ROBO2: variants seen among roughly 807,000 people sequenced by gnomAD.
ROBO2 encodes roundabout guidance receptor 2, also known as roundabout homolog 2.
Under a neutral mutation model 160.8 loss-of-function variants are expected in ROBO2, and 53 were observed. The ratio of observed to expected loss-of-function variants is 0.33; its 90% CI spans 0.26 to 0.41. The LOEUF (loss-of-function observed/expected upper bound fraction) is 0.41. Among genes scored for constraint, ROBO2 ranks in the 10% least tolerant of loss-of-function variants. ROBO2 has a pLI of 1.00. For missense variants in ROBO2, 1,577 were observed against 1,722.4 expected (o/e 0.92, Z 1.49); for synonymous variants, 664 against 611.7 (o/e 1.09, Z -1.26).
intron 2 of ROBO2, among the ~76,000 whole-genome samples, chr3:76,998,052 G>A (rs1473839845): frequency 1.3e-5 from 2 of 152,064 alleles, no homozygotes; most frequent in Admixed American, 6.6e-5. Context: ...GTATTCTATT[G>A]GCCAAAGCAA....
intron 2 of ROBO2, among the ~76,000 whole-genome samples, chr3:77,009,430 C>A (rs2061749560): frequency 6.6e-6 from 1 of 151,940 alleles, no homozygotes; most frequent in South Asian, 2.1e-4. Flanking sequence ...AACTCTAATC[C>A]AATATTGTTT....
At chr3:77,433,486 G>GTATATATATATATATATA (rs57475227) in intron 2 of ROBO2, among the ~76,000 whole-genome samples, 94 of 99,382 alleles carry the variant, frequency 9.5e-4, no homozygotes, top group African/African-American at 2.7e-3. Flanking sequence ...CTGGCAACTT[G>GTATATATATATATATATA]TATATATATA....
At chr3:77,599,607 C>T (rs908942453) in intron 19 of ROBO2, among the ~76,000 whole-genome samples, 1 of 151,680 alleles carries the variant, frequency 6.6e-6, no homozygotes, top group African/African-American at 2.4e-5. Context: ...TGTAACTAAC[C>T]TGCACGTTGT....
At chr3:77,082,183 C>T (rs556467136) in intron 1 of ROBO2, among the ~76,000 whole-genome samples, 3 of 152,172 alleles carry the variant, frequency 2.0e-5, no homozygotes, top group Non-Finnish European at 4.4e-5. Context: ...AGAGCAGAAT[C>T]ACTTCTTGTA....
chr3:77,453,145 T>C (rs2081289510), intron 2 of ROBO2, among the ~76,000 whole-genome samples: 1 of 152,192 alleles, frequency 6.6e-6, no homozygotes, highest in Non-Finnish European at 1.5e-5. Flanking sequence ...ACCATTTTAC[T>C]GCCTTCTCTA....
At chr3:77,073,122 T>C (rs945283589) in intron 1 of ROBO2, among the ~76,000 whole-genome samples, 11 of 152,184 alleles carry the variant, frequency 7.2e-5, no homozygotes, top group African/African-American at 2.7e-4. Flanking sequence ...CTTTAAAAAT[T>C]ACAGCAGACA....
At chr3:77,622,417 G>C in exon 23 of ROBO2, 6 of 1,614,062 alleles carry the variant, frequency 3.7e-6, no homozygotes, top group Non-Finnish European at 5.1e-6. Flanking sequence ...GGACAATCTA[G>C]ACAGCTCTGT....
chr3:77,095,587 G>T (rs1390919084), intron 1 of ROBO2, among the ~76,000 whole-genome samples: 2 of 152,006 alleles, frequency 1.3e-5, no homozygotes, highest in Non-Finnish European at 2.9e-5. Flanking sequence ...GAGAACAAAG[G>T]GGCTATCTAA....
chr3:75,933,103 A>G (rs552089849), intron 1 of ROBO2, among the ~76,000 whole-genome samples: 50 of 152,320 alleles, frequency 3.3e-4, no homozygotes, highest in Non-Finnish European at 6.3e-4. Context: ...AGTGGCACCT[A>G]GTCTAAGGAC....
At chr3:76,256,332 T>A (rs1378026558) in intron 2 of ROBO2, among the ~76,000 whole-genome samples, 19 of 94,892 alleles carry the variant, frequency 2.0e-4, no homozygotes, top group Admixed American at 5.5e-4. Flanking sequence ...TCTCTCTCTC[T>A]CTCTCTCTCT....
chr3:76,654,841 T>A (rs2324621), intron 2 of ROBO2, among the ~76,000 whole-genome samples: 331 of 63,434 alleles, frequency 5.2e-3, no homozygotes, highest in African/African-American at 7.9e-3. Context: ...ATTATAATTT[T>A]TTTATATATA....
chr3:77,199,208 G>C (rs978953518), intron 2 of ROBO2, among the ~76,000 whole-genome samples: 2 of 152,158 alleles, frequency 1.3e-5, no homozygotes, highest in African/African-American at 4.8e-5. Flanking sequence ...CTTTGAGGCA[G>C]TACCCACTCC....
chr3:76,686,114 C>A (rs2092680241), intron 2 of ROBO2, among the ~76,000 whole-genome samples: 1 of 152,066 alleles, frequency 6.6e-6, no homozygotes, highest in Non-Finnish European at 1.5e-5. Flanking sequence ...TCCCTTTGAT[C>A]TTCAGTTTAG....
At chr3:76,336,993 A>G (rs1420555356) in intron 2 of ROBO2, among the ~76,000 whole-genome samples, 1 of 152,130 alleles carries the variant, frequency 6.6e-6, no homozygotes, top group Admixed American at 6.6e-5. Context: ...AAAAAAACCC[A>G]CAATCTCTAT....
At chr3:76,406,613 C>T (rs547061137) in intron 2 of ROBO2, among the ~76,000 whole-genome samples, 36 of 151,882 alleles carry the variant, frequency 2.4e-4, no homozygotes, top group Non-Finnish European at 4.6e-4. Context: ...AAACATGATT[C>T]ACTCATAGTC....
chr3:77,102,659 A>G (rs1009723071), intron 2 of ROBO2, among the ~76,000 whole-genome samples: 2 of 152,098 alleles, frequency 1.3e-5, no homozygotes, highest in Non-Finnish European at 2.9e-5. Flanking sequence ...GTTATTGATA[A>G]CCATCTGTCT....
intron 2 of ROBO2, among the ~76,000 whole-genome samples, chr3:76,410,790 G>A (rs2075446959): frequency 6.6e-6 from 1 of 152,082 alleles, no homozygotes; most frequent in Non-Finnish European, 1.5e-5. Flanking sequence ...TTGTTGAAAG[G>A]CTATAGCAAT....
intron 2 of ROBO2, among the ~76,000 whole-genome samples, chr3:76,765,584 C>A (rs2061534597): frequency 6.6e-6 from 1 of 151,650 alleles, no homozygotes; most frequent in Non-Finnish European, 1.5e-5. Context: ...GGCACACTCA[C>A]TGTGGAGGGA....
rs574318905 is a variant in ROBO2, at chr3:76,368,795, A to G, written c.109+431193A>G. Among the ~76,000 whole-genome samples the G allele has an allele frequency of 2.0e-5, 3 of 152,094 alleles. 1 individual carries two copies. Among genetic ancestry groups the G allele is most frequent in the African/African-American group, 7.2e-5 (3 of 41,534 alleles). ...TCCCTTGAATCAGAGCCCACTCAGA[A>G]TCTGAATGTATAGCAGGAATTCCAA... On this transcript the variant is annotated intron_variant, in intron 2 of 26. Coordinates refer to the ROBO2 transcript ENST00000487694.
Sources: allele counts gnomAD v4.1 joint callset (sites outside exome capture counted in the v4.1 genomes callset), GRCh38; gene constraint gnomAD v4.1.1; transcripts MANE v1.5; gene names NCBI Gene and HGNC (gene_info 2026-07-23, HGNC 2026-07-21).